The following VPS54 variants were observed in gnomAD, a reference collection of about 807,000 sequenced individuals.
The protein encoded by VPS54 is vacuolar protein sorting-associated protein 54.
A neutral mutation model predicts 121.5 loss-of-function variants in VPS54; 45 were observed. The observed-to-expected ratio is 0.37, with a 90% confidence interval of 0.29 to 0.47. VPS54 has a LOEUF of 0.47. VPS54 is among the 20% of genes least tolerant of loss of function. The pLI is 0.99. For missense variants in VPS54, 1,090 were observed against 1,131.4 expected, an observed-to-expected ratio of 0.96 and a Z score of 0.52; for synonymous variants, 371 against 385.8, an observed-to-expected ratio of 0.96 and a Z score of 0.45.
intron 1 of VPS54, among the ~76,000 whole-genome samples, chr2:64,018,151 A>G (rs1236298278): frequency 6.6e-6 from 1 of 152,242 alleles, no homozygotes; most frequent in Non-Finnish European, 1.5e-5. Flanking sequence ...GATTTGACAA[A>G]TCAGAAATAC....
At chr2:64,004,674 G>A (rs1187518385) in intron 1 of VPS54, among the ~76,000 whole-genome samples, 1 of 152,160 alleles carries the variant, frequency 6.6e-6, no homozygotes, top group African/African-American at 2.4e-5. Flanking sequence ...CGAAGTTTAT[G>A]GATACCTTCT....
chr2:63,893,379 TAACA>T lies in VPS54; in HGVS notation c.*47_*50del. On this transcript the variant is annotated 3_prime_UTR_variant, in exon 23 of 23. Coordinates refer to ENST00000272322, the MANE Select transcript of VPS54 (RefSeq NM_016516.3). ...ATCACAGGCATCCAGATTTTCTTCA[TAACA>T]AACACATCCCATGGTCAGATGAACT... 3 of 1,497,522 alleles carry T rather than the reference TAACA, an allele frequency of 2.0e-6. No individual in the cohort carries two copies. Among genetic ancestry groups the T allele is most frequent in the Non-Finnish European group, 2.8e-6 (3 of 1,074,112 alleles). 92.8% of individuals were successfully genotyped at this position (1,497,522 alleles called of 1,614,324 possible).
At chr2:63,951,316 G>C (rs1169798214) in intron 7 of VPS54, among the ~76,000 whole-genome samples, 1 of 148,996 alleles carries the variant, frequency 6.7e-6, no homozygotes, top group Non-Finnish European at 1.5e-5. Flanking sequence ...ACTTCTCTCT[G>C]CTTCTTGGGA....
intron 1 of VPS54, among the ~76,000 whole-genome samples, chr2:64,008,542 G>A (rs753101866): frequency 1.3e-5 from 2 of 152,142 alleles, no homozygotes; most frequent in African/African-American, 2.4e-5. Flanking sequence ...ATCAAGCCCA[G>A]GGACTAAAAG....
At chr2:63,976,060 C>G (rs1187634542) in intron 3 of VPS54, among the ~76,000 whole-genome samples, 2 of 152,156 alleles carry the variant, frequency 1.3e-5, no homozygotes, top group East Asian at 3.8e-4. Flanking sequence ...AAATTTCTTC[C>G]TGTTCCTAGT....
At chr2:63,950,780 GGCTTTTTTTTTCCCC>G (rs1421786662) in intron 7 of VPS54, among the ~76,000 whole-genome samples, 2 of 152,044 alleles carry the variant, frequency 1.3e-5, no homozygotes, top group Non-Finnish European at 2.9e-5. Context: ...TGTTCTTTGT[GGCTTTTTTTTTCCCC>G]CAGAGTAGGG....
intron 12 of VPS54, among the ~76,000 whole-genome samples, chr2:63,926,665 G>C (rs1014590539): frequency 6.6e-6 from 1 of 152,208 alleles, no homozygotes; most frequent in Non-Finnish European, 1.5e-5. Flanking sequence ...TGGAGGGTGC[G>C]CTGAAGCAGG....
intron 2 of VPS54, among the ~76,000 whole-genome samples, chr2:63,982,916 A>G (rs1041703625): frequency 2.0e-5 from 3 of 152,204 alleles, no homozygotes; most frequent in African/African-American, 7.2e-5. Flanking sequence ...TGCTCTGCAC[A>G]TGACTGCAAA....
At chr2:63,913,470 G>C (rs1673242031) in intron 17 of VPS54, among the ~76,000 whole-genome samples, 160 bp from the exon 18 acceptor site, 2 of 151,950 alleles carry the variant, frequency 1.3e-5, no homozygotes, top group African/African-American at 4.8e-5. Context: ...TAATGAAAAA[G>C]AAATGAGAAG....
chr2:63,957,729 A>G (rs1310852677), intron 7 of VPS54, among the ~76,000 whole-genome samples: 1 of 152,196 alleles, frequency 6.6e-6, no homozygotes, highest in African/African-American at 2.4e-5. Flanking sequence ...TTCATTTTAG[A>G]AAGAACAAAT....
Position 63,937,317 on chromosome 2 carries a change from AC to A in VPS54, c.1399-3305del, listed in dbSNP as rs1243379754. Among the ~76,000 whole-genome samples the A allele has an allele frequency of 2.0e-5, 3 of 151,978 alleles. No homozygotes were observed. The East Asian group carries it at 5.8e-4, about 29-fold the overall frequency. ...AACTCAACAACAAAAAAACCAAACC[AC>A]CCCATTAAATAATAGGCAAATAAAA... On this transcript the variant is annotated intron_variant, in intron 11 of 22. Coordinates refer to ENST00000272322, the MANE Select transcript of VPS54 (RefSeq NM_016516.3).
intron 1 of VPS54, among the ~76,000 whole-genome samples, chr2:64,005,344 C>T (rs1394362696): frequency 4.0e-5 from 6 of 151,560 alleles, no homozygotes; most frequent in Admixed American, 1.3e-4. Context: ...ACCTTGTGAT[C>T]CGCCCGCCTC....
chr2:64,010,433 C>T (rs1267029325), intron 1 of VPS54, among the ~76,000 whole-genome samples: 1 of 152,174 alleles, frequency 6.6e-6, no homozygotes, highest in Non-Finnish European at 1.5e-5. Context: ...TTTGACAGAA[C>T]TCAGGAGTTT....
chr2:63,921,066 A>G (rs988746853), intron 13 of VPS54, 140 bp downstream of exon 13: 2 of 818,874 alleles, frequency 2.4e-6, no homozygotes, highest in East Asian at 2.8e-5. Context: ...TCCCTAGTAG[A>G]CCACATCAGT....
At chr2:63,966,781 T>C (rs1425614736) in intron 5 of VPS54, among the ~76,000 whole-genome samples, 1 of 152,230 alleles carries the variant, frequency 6.6e-6, no homozygotes, top group Admixed American at 6.5e-5. Flanking sequence ...ACTCCCACTA[T>C]TTACCCATTA....
intron 8 of VPS54, among the ~76,000 whole-genome samples, chr2:63,948,166 A>G (rs919571977): frequency 6.6e-6 from 1 of 152,110 alleles, no homozygotes; most frequent in African/African-American, 2.4e-5. Context: ...AGACTGAAAT[A>G]ATGACCTAGA....
At chr2:63,947,094 C>G (rs1214283095) in intron 9 of VPS54, among the ~76,000 whole-genome samples, 2 of 151,680 alleles carry the variant, frequency 1.3e-5, no homozygotes, top group Non-Finnish European at 2.9e-5. Context: ...TTTCTGAAAG[C>G]TTTTATAATA....
At chr2:63,906,323 A>C (rs530896134) in intron 20 of VPS54, among the ~76,000 whole-genome samples, 1 of 152,368 alleles carries the variant, frequency 6.6e-6, no homozygotes, top group African/African-American at 2.4e-5. Flanking sequence ...GAGTTTAGCA[A>C]GGATGCAGGA....
chr2:64,006,018 G>C (rs1678126670), intron 1 of VPS54, among the ~76,000 whole-genome samples: 1 of 152,166 alleles, frequency 6.6e-6, no homozygotes, highest in Non-Finnish European at 1.5e-5. Flanking sequence ...TGGATACTCA[G>C]TCATTTTAAA....
Sources: allele counts gnomAD v4.1 joint callset (sites outside exome capture counted in the v4.1 genomes callset), GRCh38; gene constraint gnomAD v4.1.1; transcripts MANE v1.5; gene names NCBI Gene and HGNC (gene_info 2026-07-23, HGNC 2026-07-21).